Variants in WIPI1 observed in about 807,000 individuals in gnomAD.
WIPI1 encodes WD repeat domain phosphoinositide-interacting protein 1.
Under a neutral mutation model 55.3 loss-of-function variants are expected in WIPI1, and 45 were observed. That is an observed-to-expected ratio of 0.81 (90% CI 0.64 to 1.04). The LOEUF (loss-of-function observed/expected upper bound fraction) is 1.04, where lower values mean the gene tolerates loss of function less well. WIPI1 is among the 50% of genes least tolerant of loss of function. WIPI1 has a pLI of 0.00. For synonymous variants in WIPI1, 195 were observed against 217.6 expected, an observed-to-expected ratio of 0.90 and a Z score of 0.92; for missense variants, 445 against 559.0, an observed-to-expected ratio of 0.80 and a Z score of 2.06.
rs1388040716 is a variant in WIPI1, at chr17:68,433,498, T to A, written c.770A>T (p.His257Leu). 1.9e-6 allele frequency: 3 copies of A among 1,614,138 alleles called. No individual in the cohort carries two copies. Among genetic ancestry groups the A allele is most frequent in the Non-Finnish European group, 8.5e-7 (1 of 1,180,034 alleles). ...LCASSNTETV[H>L]IFKLEQVTNS... ...GGTGACCTGTTCCAGCTTGAAGATG[T>A]GTACCGTCTCGGTGTTACTGGAGGC... The change falls in exon 8 of 13, where the codon CAC (histidine) becomes CTC (leucine). Residue 257 changes from histidine (H) to leucine (L), a missense_variant. Coordinates refer to ENST00000262139, the MANE Select transcript of WIPI1 (RefSeq NM_017983.7).
Position 68,444,508 on chromosome 17 carries a change from G to A in WIPI1, c.415C>T (p.Pro139Ser). ...MKLLKTLLDI[P>S]ANPTGLCALS... Reference sequence around the variant, plus strand: ...TGGAGCTCACCTGTTGGGTTTGCAGGAATATCCAGGAGGGTCTTCAACAGC... The same window carrying A: ...TGGAGCTCACCTGTTGGGTTTGCAGAAATATCCAGGAGGGTCTTCAACAGC... Residue 139 changes from proline (P) to serine (S), a missense_variant, in exon 4 of 13, where the codon CCT becomes TCT. Pro to Ser is a moderately conservative substitution (Grantham distance 74). Transcript: ENST00000262139. 1.2e-6 allele frequency: 2 copies of A among 1,613,724 alleles called. No homozygotes were observed. Among genetic ancestry groups the A allele is most frequent in the Non-Finnish European group, 1.7e-6 (2 of 1,179,880 alleles).
chr17:68,440,539 T>C (rs1942070127), intron 4 of WIPI1, among the ~76,000 whole-genome samples: 1 of 152,242 alleles, frequency 6.6e-6, no homozygotes, highest in Non-Finnish European at 1.5e-5. Flanking sequence ...CAGAGGCTTT[T>C]CACTGTTCTG....
chr17:68,422,428 C>CA (rs141137787), intron 12 of WIPI1: 1,383 of 106,062 alleles, frequency 0.013, 19 homozygotes, highest in African/African-American at 0.042. Context: ...GACTCCATCT[C>CA]AAAAAAAAAA....
At chr17:68,432,303 G>T (rs928956739) in intron 8 of WIPI1, among the ~76,000 whole-genome samples, 1 of 152,186 alleles carries the variant, frequency 6.6e-6, no homozygotes, top group Non-Finnish European at 1.5e-5. Flanking sequence ...CAGGCAGCGT[G>T]GGCTTGCTTT....
intron 3 of WIPI1, among the ~76,000 whole-genome samples, chr17:68,446,740 G>C (rs933830666): frequency 8.5e-5 from 13 of 152,250 alleles, no homozygotes; most frequent in African/African-American, 3.1e-4. Context: ...CTGGGATAGC[G>C]GGGCCTTGAC....
intron 2 of WIPI1, among the ~76,000 whole-genome samples, chr17:68,451,459 A>T (rs1322043459): frequency 1.3e-5 from 2 of 152,216 alleles, no homozygotes; most frequent in African/African-American, 4.8e-5. Flanking sequence ...AACACTAGTG[A>T]CTAGACTGCA....
chr17:68,422,048 T>A (rs2082818732), intron 12 of WIPI1: 1 of 573,740 alleles, frequency 1.7e-6, no homozygotes, highest in East Asian at 2.9e-5. Context: ...TGTCTCTGTG[T>A]GTGTGTGTAT....
chr17:68,449,255 T>C (rs778949503), intron 3 of WIPI1, among the ~76,000 whole-genome samples: 60 of 152,224 alleles, frequency 3.9e-4, no homozygotes, highest in Non-Finnish European at 7.2e-4. Flanking sequence ...AGGAAACAGA[T>C]ATTTATGAGC....
At chr17:68,428,362 G>A (rs1467901962) in intron 10 of WIPI1, 4 of 161,850 alleles carry the variant, frequency 2.5e-5, no homozygotes, top group Admixed American at 1.8e-4. Flanking sequence ...CTGAGTAGCT[G>A]GGACTACAGG....
At chr17:68,437,424 A>G (rs563271599) in intron 4 of WIPI1, among the ~76,000 whole-genome samples, 2 of 151,862 alleles carry the variant, frequency 1.3e-5, no homozygotes, top group South Asian at 2.1e-4. Flanking sequence ...GTGTGGTTGC[A>G]TGTGCCTGTA....
intron 3 of WIPI1, among the ~76,000 whole-genome samples, chr17:68,449,355 C>T (rs1243481859): frequency 1.3e-5 from 2 of 152,186 alleles, no homozygotes; most frequent in African/African-American, 4.8e-5. Flanking sequence ...TTTGGCCAAG[C>T]GTGGTGGCTC....
Position 68,426,179 on chromosome 17 carries a change from GA to G in WIPI1, c.1193-5del. The G allele has an allele frequency of 6.5e-7, 1 of 1,530,196 alleles. No homozygotes were observed. Among genetic ancestry groups the G allele is most frequent in the Non-Finnish European group, 8.8e-7 (1 of 1,132,750 alleles). 94.8% of individuals were successfully genotyped at this position (1,530,196 alleles called of 1,614,324 possible). On this transcript the variant is annotated splice_region_variant and splice_polypyrimidine_tract_variant and intron_variant, in intron 11 of 12. Coordinates refer to ENST00000262139, the MANE Select transcript of WIPI1 (RefSeq NM_017983.7). ...GCCCCGCCGTCCTCAGAATAACCTG[GA>G]AACCAAGAAAGAGACATGAAACAAG... is the stretch of plus-strand genomic sequence containing the variant.
At chr17:68,421,957 C>T in intron 12 of WIPI1, 137 bp from the exon 13 acceptor site, 1 of 1,013,472 alleles carries the variant, frequency 9.9e-7, no homozygotes, top group South Asian at 1.3e-5. Context: ...TCTGAACTCG[C>T]TCATGGCCAC....
chr17:68,449,826 G>T (rs538471938), intron 3 of WIPI1, among the ~76,000 whole-genome samples: 1 of 152,220 alleles, frequency 6.6e-6, no homozygotes, highest in African/African-American at 2.4e-5. Context: ...GAGAATAGAC[G>T]AATACACTCT....
intron 1 of WIPI1, 74 bp downstream of exon 1, chr17:68,457,268 G>A (rs1181137828): frequency 6.6e-7 from 1 of 1,506,104 alleles, no homozygotes; most frequent in Non-Finnish European, 8.9e-7. Flanking sequence ...GCCACAAGCT[G>A]CTCTCAGGAC....
Position 68,426,242 on chromosome 17 carries a change from T to TGGGGGG in WIPI1, c.1193-68_1193-67insCCCCCC, listed in dbSNP as rs754701731. 2.0e-4 allele frequency: 135 copies of TGGGGGG among 682,668 alleles called. 25 individuals carry two copies. Among genetic ancestry groups the TGGGGGG allele is most frequent in the Middle Eastern group, 4.9e-4 (1 of 2,026 alleles). 42.3% of individuals were successfully genotyped at this position (682,668 alleles called of 1,614,324 possible). A position where few individuals can be genotyped will look rare whatever the true frequency, so the allele number is the denominator to read the frequency against. On this transcript the variant is annotated intron_variant, in intron 11 of 12. Transcript: ENST00000262139. ...TGCTTTTATGCCATGACCTGGCGGG[T>TGGGGGG]GGGGAGCGGGGGCTCAAATAAAGGG...
intron 10 of WIPI1, 71 bp downstream of exon 10, chr17:68,428,758 G>A (rs763628024): frequency 1.4e-4 from 169 of 1,227,360 alleles, no homozygotes; most frequent in Non-Finnish European, 1.7e-4. Flanking sequence ...GAAGCTTGTC[G>A]TTCTTGGCGA....
At chr17:68,425,570 C>T (rs947946112) in intron 12 of WIPI1, among the ~76,000 whole-genome samples, 5 of 151,890 alleles carry the variant, frequency 3.3e-5, no homozygotes, top group Non-Finnish European at 5.9e-5. Context: ...GCGGGTCTGC[C>T]GGCCAGAGCT....
At chr17:68,429,879 G>T in intron 9 of WIPI1, 117 bp downstream of exon 9, 1 of 1,472,132 alleles carries the variant, frequency 6.8e-7, no homozygotes, top group Non-Finnish European at 9.4e-7. Context: ...GTAAGCCACC[G>T]TGCCCAGCCT....
Sources: gnomAD v4.1 joint callset for allele counts (sites outside exome capture counted in the v4.1 genomes callset) on GRCh38, gnomAD v4.1.1 for gene constraint, MANE v1.5 for transcripts, NCBI Gene and HGNC (gene_info 2026-07-23, HGNC 2026-07-21) for gene names.